SLC22A11: variants seen among roughly 807,000 people sequenced by gnomAD.
SLC22A11 encodes the protein solute carrier family 22 member 11.
In SLC22A11, 42 loss-of-function variants were observed where a neutral mutation model predicts 49.4. The ratio of observed to expected loss-of-function variants is 0.85; its 90% CI spans 0.66 to 1.10. The LOEUF is 1.10. SLC22A11 is among the 50% of genes least tolerant of loss of function. The pLI, the probability that SLC22A11 is intolerant of heterozygous loss-of-function variation, is 0.00. For synonymous variants in SLC22A11, 304 were observed against 315.8 expected (o/e 0.96, Z 0.40); for missense variants, 685 against 731.6 (o/e 0.94, Z 0.74).
At position 64,564,243 on chromosome 11, in the gene SLC22A11, C is replaced by A; in HGVS notation, c.822-65C>A. On this transcript the variant is annotated intron_variant, in intron 4 of 9. Transcript: ENST00000301891. This position sits in a 1 kb window ranked among gnomAD's most constrained non-coding sequence, Gnocchi z 4.2. ...GCTGGAGGGTCCGTGCCCACTGCCCCTTTCCACCCCGCCCCGGGGGAGAGC... is the reference window on the plus strand; with the variant it reads ...GCTGGAGGGTCCGTGCCCACTGCCCATTTCCACCCCGCCCCGGGGGAGAGC... 6.2e-7 allele frequency: 1 copy of A among 1,601,760 alleles called. No homozygotes were observed. The highest frequency in any genetic ancestry group is 2.2e-5 in the East Asian group (1 of 44,716).
rs1052297279 is a variant in SLC22A11, at chr11:64,564,642, CACT to C, written c.942+215_942+217del. ...CCGATACCATCACCAACAGCACCAC[CACT>C]GTCCACACCCACCATCACCTTCACT... On this transcript the variant is annotated intron_variant, in intron 5 of 9. Transcript: ENST00000301891. This position sits in a 1 kb window ranked among gnomAD's most constrained non-coding sequence, Gnocchi z 4.2. Among the ~76,000 whole-genome samples, 6 of 152,050 alleles carry C rather than the reference CACT, an allele frequency of 3.9e-5. No homozygotes were observed. Among genetic ancestry groups the C allele is most frequent in the Non-Finnish European group, 5.9e-5 (4 of 67,998 alleles).
intron 2 of SLC22A11, among the ~76,000 whole-genome samples, chr11:64,560,630 C>T (rs900241958): frequency 6.6e-6 from 1 of 152,262 alleles, no homozygotes; most frequent in Non-Finnish European, 1.5e-5. Flanking sequence ...TGCCCGGCCC[C>T]AGGCATGACT....
intron 2 of SLC22A11, among the ~76,000 whole-genome samples, chr11:64,560,080 C>T (rs2038521723): frequency 6.6e-6 from 1 of 151,268 alleles, no homozygotes; most frequent in Non-Finnish European, 1.5e-5. Flanking sequence ...CCCTCACTCC[C>T]CCAGCAGCCT....
At chr11:64,568,555 G>GTCCTGA in intron 7 of SLC22A11, 115 bp from the exon 8 acceptor site, 1 of 823,742 alleles carries the variant, frequency 1.2e-6, no homozygotes, top group Non-Finnish European at 2.1e-6. Context: ...CAGCAGGGCC[G>GTCCTGA]GGGACTTGTA....
Position 64,559,254 on chromosome 11 carries a change from C to T in SLC22A11, c.497+16C>T, listed in dbSNP as rs750809491. The T allele has an allele frequency of 2.6e-6, 4 of 1,527,130 alleles. 1 individual carries two copies. The East Asian group carries it at 7.3e-5, about 28-fold the overall frequency. 94.6% of individuals were successfully genotyped at this position (1,527,130 alleles called of 1,614,324 possible). A position where few individuals can be genotyped will look rare whatever the true frequency, so the allele number is the denominator to read the frequency against. On this transcript the variant is annotated intron_variant, in intron 2 of 9. Transcript: ENST00000301891. ...TCTCCTACCGGTGAGTGCCTCCGCTCCTCCCAGCCCCCAGCTCCCTCAAAA... is the reference window on the plus strand; with the variant it reads ...TCTCCTACCGGTGAGTGCCTCCGCTTCTCCCAGCCCCCAGCTCCCTCAAAA...
At position 64,569,685 on chromosome 11, in the gene SLC22A11, C is replaced by T; in HGVS notation, c.1416C>T (p.Gly472=). 3 of 1,614,092 alleles carry T rather than the reference C, an allele frequency of 1.9e-6. No individual in the cohort carries two copies. The highest frequency in any genetic ancestry group is 2.5e-6 in the Non-Finnish European group (3 of 1,180,014). Residue 472 remains glycine, a synonymous_variant, in exon 9 of 10, where the codon GGC becomes GGT. Coordinates refer to ENST00000301891, the MANE Select transcript of SLC22A11 (RefSeq NM_018484.4). ...MTADGILHTV[G]RLGAMMGPLI... Reference sequence around the variant, plus strand: ...CAGATGGCATTCTGCATACAGTGGGCCGGCTGGGGGCTATGATGGGTCCCC... The same window carrying T: ...CAGATGGCATTCTGCATACAGTGGGTCGGCTGGGGGCTATGATGGGTCCCC...
rs1385937654 is a variant in SLC22A11 at position 64,565,513 on chromosome 11, CAG to C, written c.1058+181_1058+182del. ...AGCAGGCAGGAGTCCTGGCAGGCAG[CAG>C]AGAGGGACTATGCACAGGTGGGATC... On this transcript the variant is annotated intron_variant, in intron 6 of 9. Coordinates refer to ENST00000301891, the MANE Select transcript of SLC22A11 (RefSeq NM_018484.4). The surrounding 1 kb of genome is among the most constrained non-coding windows in gnomAD (Gnocchi z 4.1). 1 of 671,736 alleles carries C rather than the reference CAG, an allele frequency of 1.5e-6. No homozygotes were observed. The highest frequency in any genetic ancestry group is 2.0e-5 in the Admixed American group (1 of 48,826). 41.6% of individuals were successfully genotyped at this position (671,736 alleles called of 1,614,324 possible).
chr11:64,564,114 C>A lies in SLC22A11; in HGVS notation c.822-194C>A, dbSNP rs1450975574. Among the ~76,000 whole-genome samples the A allele has an allele frequency of 6.6e-6, 1 of 152,120 alleles. No homozygotes were observed. Among genetic ancestry groups the A allele is most frequent in the Non-Finnish European group, 1.5e-5 (1 of 68,018 alleles). On this transcript the variant is annotated intron_variant, in intron 4 of 9. Transcript: ENST00000301891. This position sits in a 1 kb window ranked among gnomAD's most constrained non-coding sequence, Gnocchi z 4.2. Reference sequence around the variant, plus strand: ...GTGGCTCGCTTGGGAAGGTGGGCGGCCAGGCATTGGGACTCAGCTTTATTC... The same window carrying A: ...GTGGCTCGCTTGGGAAGGTGGGCGGACAGGCATTGGGACTCAGCTTTATTC...
intron 1 of SLC22A11, among the ~76,000 whole-genome samples, chr11:64,557,793 A>G (rs2038484144): frequency 1.4e-5 from 2 of 138,472 alleles, no homozygotes; most frequent in Non-Finnish European, 3.2e-5. Context: ...CACCATGCCC[A>G]GCTAATTTTT....
intron 9 of SLC22A11, among the ~76,000 whole-genome samples, chr11:64,570,656 A>C (rs1353683005): frequency 6.6e-6 from 1 of 152,172 alleles, no homozygotes; most frequent in African/African-American, 2.4e-5. Flanking sequence ...CACCTTATTT[A>C]ATCGATACAA....
chr11:64,563,928 A>G (rs972687331), intron 4 of SLC22A11, among the ~76,000 whole-genome samples: 1 of 151,882 alleles, frequency 6.6e-6, no homozygotes, highest in Non-Finnish European at 1.5e-5. Flanking sequence ...AAAAAAAACA[A>G]AAAAACCCAG....
intron 1 of SLC22A11, among the ~76,000 whole-genome samples, chr11:64,558,446 G>T (rs1178837526): frequency 6.6e-6 from 1 of 152,212 alleles, no homozygotes; most frequent in African/African-American, 2.4e-5. Context: ...GGCCTCAGTG[G>T]AGGACGGACT....
chr11:64,569,503 C>A, intron 8 of SLC22A11, 149 bp from the exon 9 acceptor site: 1 of 760,596 alleles, frequency 1.3e-6, no homozygotes, highest in Non-Finnish European at 2.1e-6. Flanking sequence ...TCTGGGTGGG[C>A]TCCGTGGAGG....
Position 64,564,351 on chromosome 11 carries a change from C to T in SLC22A11, c.865C>T (p.Pro289Ser). The T allele has an allele frequency of 6.2e-7, 1 of 1,614,124 alleles. No individual in the cohort carries two copies. Among genetic ancestry groups the T allele is most frequent in the Admixed American group, 1.7e-5 (1 of 60,024 alleles). ...CCGGTGGCTGATTATTAAGGGCAAA[C>T]CAGACCAAGCACTTCAGGAGCTCAG... ...SARWLIIKGKPDQALQELRKV... is the reference protein window; with the variant it reads ...SARWLIIKGKSDQALQELRKV... Residue 289 changes from proline (P) to serine (S), a missense_variant, in exon 5 of 10, where the codon CCA becomes TCA. Pro to Ser is a moderately conservative substitution (Grantham distance 74). Transcript: ENST00000301891. The surrounding 1 kb of genome is among the most constrained non-coding windows in gnomAD (Gnocchi z 4.2).
Position 64,569,663 on chromosome 11 carries a change from A to G in SLC22A11, c.1394A>G (p.Asp465Gly). ...LFPTPVRMTA[D>G]GILHTVGRLG... ...CCCTTCACCCACAGGATGACAGCAG[A>G]TGGCATTCTGCATACAGTGGGCCGG... The change falls in exon 9 of 10, where the codon GAT becomes GGT. Residue 465 changes from aspartate to glycine, a missense_variant. Coordinates refer to ENST00000301891, the MANE Select transcript of SLC22A11 (RefSeq NM_018484.4). 6.2e-7 allele frequency: 1 copy of G among 1,613,976 alleles called. No individual in the cohort carries two copies.
chr11:64,556,504 G>C, intron 1 of SLC22A11, 112 bp downstream of exon 1: 4 of 1,474,228 alleles, frequency 2.7e-6, no homozygotes, highest in Admixed American at 2.0e-5. Context: ...CTCCTCTCGA[G>C]CCTCTCAGCC....
At chr11:64,561,602 A>AATTTATTTATTT (rs35789932) in intron 2 of SLC22A11, among the ~76,000 whole-genome samples, 3 of 144,862 alleles carry the variant, frequency 2.1e-5, no homozygotes, top group East Asian at 2.2e-4. Context: ...ACACCTGGCT[A>AATTTATTTATTT]ATTTATTTAT....
intron 8 of SLC22A11, 108 bp downstream of exon 8, chr11:64,568,886 C>A: frequency 1.1e-6 from 1 of 929,482 alleles, no homozygotes; most frequent in Non-Finnish European, 1.7e-6. Flanking sequence ...CAGGGCCGCT[C>A]AGGGTCCCCC....
rs748149817 is a variant in SLC22A11, at chr11:64,556,212, C to G, written c.213C>G (p.Thr71=). 1 of 1,614,188 alleles carries G rather than the reference C, an allele frequency of 6.2e-7. No individual in the cohort carries two copies. The highest frequency in any genetic ancestry group is 8.5e-7 in the Non-Finnish European group (1 of 1,180,048). Residue 71 remains threonine (T), a synonymous_variant, in exon 1 of 10, where the codon ACC becomes ACG. Transcript: ENST00000301891. Reference sequence around the variant, plus strand: ...ACATGACCCCCAAGGCCCTTCTGACCATCTCCATCCCGCCAGGCCCCAACC... The same window carrying G: ...ACATGACCCCCAAGGCCCTTCTGACGATCTCCATCCCGCCAGGCCCCAACC... The part of the protein sequence containing the change: ...STNMTPKALL[T]ISIPPGPNQG...
Sources: gnomAD v4.1 joint callset for allele counts (sites outside exome capture counted in the v4.1 genomes callset) on GRCh38, gnomAD v4.1.1 for gene constraint, Gnocchi (gnomAD v3.1) non-coding constraint, MANE v1.5 for transcripts, NCBI Gene and HGNC (gene_info 2026-07-23, HGNC 2026-07-21) for gene names.